Variants in OGFOD1 observed in about 807,000 individuals in gnomAD.
The protein encoded by OGFOD1 is 2-oxoglutarate and iron dependent oxygenase domain containing 1.
A neutral mutation model predicts 67.7 loss-of-function variants in OGFOD1; 54 were observed. That is an observed-to-expected ratio of 0.80 (90% CI 0.64 to 1.00). The LOEUF is 1.00. Ranked by LOEUF, OGFOD1 falls within the 50% of genes least tolerant of loss-of-function variation. OGFOD1 has a pLI of 0.00. For missense variants in OGFOD1, 606 were observed against 646.7 expected, an observed-to-expected ratio of 0.94 and a Z score of 0.68; for synonymous variants, 221 against 227.0, an observed-to-expected ratio of 0.97 and a Z score of 0.24.
At chr16:56,451,530 A>G (rs1962327493), upstream of OGFOD1, 5 of 1,482,360 alleles carry the variant, frequency 3.4e-6, no homozygotes, top group South Asian at 1.2e-5. Flanking sequence ...GAAACACGAT[A>G]AAGGGGACAT....
intron 3 of OGFOD1, among the ~76,000 whole-genome samples, chr16:56,460,328 T>G (rs924923721): frequency 6.6e-6 from 1 of 152,238 alleles, no homozygotes; most frequent in Non-Finnish European, 1.5e-5. Flanking sequence ...TGAATACAAT[T>G]AACAAATGCT....
At position 56,466,194 on chromosome 16, in the gene OGFOD1, T is replaced by C; in HGVS notation, c.491T>C (p.Ile164Thr). The C allele has an allele frequency of 1.2e-6, 2 of 1,614,122 alleles. No individual in the cohort carries two copies. The highest frequency in any genetic ancestry group is 1.3e-5 in the African/African-American group (1 of 75,050). ...GATGATGAGCTGGAAGGGCGCCGGA[T>C]TGCCTTCATCCTGTACCTGGTTCCT... ...CHDDELEGRRIAFILYLVPPW... is the reference protein window; with the variant it reads ...CHDDELEGRRTAFILYLVPPW... Residue 164 changes from isoleucine (I) to threonine (T), a missense_variant, in exon 5 of 13, where the codon ATT (isoleucine) becomes ACT (threonine). Physicochemically the swap from Ile to Thr is moderately conservative, Grantham distance 89 (BLOSUM62 -1). Coordinates refer to ENST00000566157, the MANE Select transcript of OGFOD1 (RefSeq NM_018233.4).
intron 4 of OGFOD1, among the ~76,000 whole-genome samples, chr16:56,464,818 A>T (rs1422295485): frequency 6.6e-6 from 1 of 152,038 alleles, no homozygotes; most frequent in Non-Finnish European, 1.5e-5. Flanking sequence ...CCATTCTTCC[A>T]AAGAATCCTG....
At chr16:56,469,677 C>T (rs1257158141) in intron 8 of OGFOD1, among the ~76,000 whole-genome samples, 1 of 151,678 alleles carries the variant, frequency 6.6e-6, no homozygotes, top group Non-Finnish European at 1.5e-5. Context: ...ATGGAGAAAC[C>T]CCATCTCTAC....
chr16:56,454,493 CT>C lies in OGFOD1; in HGVS notation c.300+1100del, dbSNP rs77913439. On this transcript the variant is annotated intron_variant, in intron 2 of 12. Coordinates refer to ENST00000566157, the MANE Select transcript of OGFOD1 (RefSeq NM_018233.4). ...TTTAATTGGGCAGAAAAGACTATCTCTTTTTTTTTTTTTTTAAGTTTGGTTT... is the reference window on the plus strand; with the variant it reads ...TTTAATTGGGCAGAAAAGACTATCTCTTTTTTTTTTTTTTAAGTTTGGTTT... Among the ~76,000 whole-genome samples, 1,104 of 136,464 alleles carry C rather than the reference CT, an allele frequency of 8.1e-3. 6 individuals are homozygous for C. The highest frequency in any genetic ancestry group is 0.019 in the African/African-American group (699 of 37,134). The allele number at this position is 136,464 out of a possible 152,430, so 89.5% of individuals were successfully genotyped here.
Position 56,462,590 on chromosome 16 carries a change from T to C in OGFOD1, c.404T>C (p.Leu135Pro). Residue 135 changes from leucine to proline, a missense_variant, in exon 4 of 13, where the codon CTG becomes CCG. Physicochemically the swap from Leu to Pro is moderately conservative, Grantham distance 98 (BLOSUM62 -3). Transcript: ENST00000566157. Reference sequence around the variant, plus strand: ...CTTTCTGATATTTCTAAAATTGACCTGGAATCAACCATTGACATGTCCTGT... The same window carrying C: ...CTTTCTGATATTTCTAAAATTGACCCGGAATCAACCATTGACATGTCCTGT... ...SWLSDISKID[L>P]ESTIDMSCAK... 1 of 1,613,114 alleles carries C rather than the reference T, an allele frequency of 6.2e-7. No homozygotes were observed. The highest frequency in any genetic ancestry group is 8.5e-7 in the Non-Finnish European group (1 of 1,179,164).
intron 3 of OGFOD1, among the ~76,000 whole-genome samples, chr16:56,461,869 G>C (rs1489509748): frequency 6.6e-6 from 1 of 152,120 alleles, no homozygotes; most frequent in African/African-American, 2.4e-5. Flanking sequence ...GAGGCAGGCG[G>C]ATCACTTGAG....
At chr16:56,475,692 T>C in intron 12 of OGFOD1, 127 bp downstream of exon 12, 1 of 742,530 alleles carries the variant, frequency 1.3e-6, no homozygotes, top group Non-Finnish European at 2.3e-6. Context: ...GCAATGGTTC[T>C]AATTTCTAGT....
Position 56,470,814 on chromosome 16 carries a change from C to CCTTA in OGFOD1, c.1285+29_1285+32dup, listed in dbSNP as rs1182491473. 6 of 1,538,004 alleles carry CCTTA rather than the reference C, an allele frequency of 3.9e-6. No homozygotes were observed. In the African/African-American group the frequency reaches 8.3e-5, roughly 21 times the overall value. On this transcript the variant is annotated intron_variant, in intron 10 of 12. Coordinates refer to ENST00000566157, the MANE Select transcript of OGFOD1 (RefSeq NM_018233.4). Reference sequence around the variant, plus strand: ...AAGGTAAGCTGTTGTTAGGATTTGTCCTTACTTACCATTAACCATTCACCA... The same window carrying CCTTA: ...AAGGTAAGCTGTTGTTAGGATTTGTCCTTACTTACTTACCATTAACCATTCACCA...
At chr16:56,459,192 T>C (rs1962630353) in intron 3 of OGFOD1, among the ~76,000 whole-genome samples, 1 of 151,766 alleles carries the variant, frequency 6.6e-6, no homozygotes, top group Admixed American at 6.6e-5. Flanking sequence ...AATACAAAAT[T>C]AGCTGGGCGC....
At position 56,452,105 on chromosome 16, in the gene OGFOD1, C is replaced by T. The variant is rs1390790359; in HGVS notation, c.154+339C>T. 4.0e-5 allele frequency: 9 copies of T among 222,268 alleles called. No homozygotes were observed. The South Asian group carries it at 8.4e-4, about 21-fold the overall frequency. The allele number at this position is 222,268 out of a possible 1,614,324, so 13.8% of individuals were successfully genotyped here. The stretch of plus-strand genomic sequence containing the variant: ...AGGCAATGGAATTAACCTTATTAAA[C>T]TTCAGTTGCTTCCTAAGTAAAATGG... On this transcript the variant is annotated intron_variant, in intron 1 of 12. Coordinates refer to ENST00000566157, the MANE Select transcript of OGFOD1 (RefSeq NM_018233.4).
At chr16:56,471,980 G>A (rs1365886189) in intron 10 of OGFOD1, among the ~76,000 whole-genome samples, 1 of 141,812 alleles carries the variant, frequency 7.1e-6, no homozygotes, top group African/African-American at 2.7e-5. Flanking sequence ...TGTTTGTTTT[G>A]AGACACGGTC....
At chr16:56,458,224 T>G in intron 2 of OGFOD1, 1 of 272,344 alleles carries the variant, frequency 3.7e-6, no homozygotes, top group Non-Finnish European at 7.1e-6. Context: ...TTTCCCTGGG[T>G]TTCTTTTTTT....
chr16:56,461,016 T>C (rs1237626068), intron 3 of OGFOD1, among the ~76,000 whole-genome samples: 1 of 152,248 alleles, frequency 6.6e-6, no homozygotes, highest in Non-Finnish European at 1.5e-5. Flanking sequence ...AGAACTTCTA[T>C]GAAGGATTTC....
intron 2 of OGFOD1, among the ~76,000 whole-genome samples, chr16:56,456,798 T>C (rs1962537657): frequency 2.0e-5 from 3 of 152,250 alleles, no homozygotes; most frequent in Admixed American, 2.0e-4. Context: ...CCATATAGCC[T>C]AGGTATATAT....
chr16:56,474,833 AGTGTTCC>A lies in OGFOD1; in HGVS notation c.1292_1298del (p.Ser431ThrfsTer7). Reference sequence around the variant, plus strand: ...ATCTTTTTTTTTTTCCTTAGAATCAAGTGTTCCCATGTGCCAAGGGGAACTGAGGCAT... The same window carrying A: ...ATCTTTTTTTTTTTCCTTAGAATCAACATGTGCCAAGGGGAACTGAGGCAT... On this transcript the variant is annotated frameshift_variant, in exon 11 of 13. Coordinates refer to ENST00000566157, the MANE Select transcript of OGFOD1 (RefSeq NM_018233.4). LOFTEE classifies it high-confidence loss of function. 2 of 1,605,014 alleles carry A rather than the reference AGTGTTCC, an allele frequency of 1.2e-6. No individual in the cohort carries two copies. The highest frequency in any genetic ancestry group is 1.7e-6 in the Non-Finnish European group (2 of 1,177,008).
chr16:56,469,850 C>CAAAAA (rs751278368), intron 8 of OGFOD1, among the ~76,000 whole-genome samples, 153 bp from the exon 9 acceptor site: 2 of 53,330 alleles, frequency 3.8e-5, no homozygotes, highest in Admixed American at 2.4e-4. Context: ...AACTCCATCT[C>CAAAAA]AAAAAAAAAA....
chr16:56,462,587 A>G lies in OGFOD1; in HGVS notation c.401A>G (p.Asp134Gly). 1 of 1,613,162 alleles carries G rather than the reference A, an allele frequency of 6.2e-7. No homozygotes were observed. Among genetic ancestry groups the G allele is most frequent in the South Asian group, 1.1e-5 (1 of 91,066 alleles). The change falls in exon 4 of 13, where the codon GAC becomes GGC. Residue 134 changes from aspartate to glycine, a missense_variant. Physicochemically the swap from Asp to Gly is moderately conservative, Grantham distance 94. Transcript: ENST00000566157. ...RSWLSDISKI[D>G]LESTIDMSCA... is the part of the protein sequence containing the mutation. Reference sequence around the variant, plus strand: ...TGGCTTTCTGATATTTCTAAAATTGACCTGGAATCAACCATTGACATGTCC... The same window carrying G: ...TGGCTTTCTGATATTTCTAAAATTGGCCTGGAATCAACCATTGACATGTCC...
intron 9 of OGFOD1, 50 bp from the exon 10 acceptor site, chr16:56,470,437 C>T (rs752342094): frequency 1.3e-6 from 2 of 1,492,074 alleles, no homozygotes; most frequent in Non-Finnish European, 1.8e-6. Context: ...TTCTGTGAGT[C>T]ATTTTACATC....
Sources: gnomAD v4.1 joint callset for allele counts (sites outside exome capture counted in the v4.1 genomes callset) on GRCh38, gnomAD v4.1.1 for gene constraint, MANE v1.5 for transcripts, NCBI Gene and HGNC (gene_info 2026-07-23, HGNC 2026-07-21) for gene names.